Variants in RABGEF1 observed in about 807,000 individuals in gnomAD.
The protein encoded by RABGEF1 is rab5 GDP/GTP exchange factor.
A neutral mutation model predicts 57.3 loss-of-function variants in RABGEF1; 26 were observed. The ratio of observed to expected loss-of-function variants is 0.45; its 90% CI spans 0.33 to 0.63. The LOEUF (loss-of-function observed/expected upper bound fraction) is 0.63. RABGEF1 is among the 20% of genes least tolerant of loss of function. The pLI is 0.02. For synonymous variants in RABGEF1, 185 were observed against 210.7 expected, an observed-to-expected ratio of 0.88 and a Z score of 1.06; for missense variants, 464 against 607.6, an observed-to-expected ratio of 0.76 and a Z score of 2.48.
upstream of RABGEF1, among the ~76,000 whole-genome samples, chr7:66,737,323 T>G (rs903682612): frequency 6.6e-6 from 1 of 152,142 alleles, no homozygotes; most frequent in African/African-American, 2.4e-5. Flanking sequence ...AGGGCCATCA[T>G]GGCTCACTAC....
At chr7:66,797,858 G>A (rs544790133) in intron 6 of RABGEF1, among the ~76,000 whole-genome samples, 4 of 152,310 alleles carry the variant, frequency 2.6e-5, no homozygotes, top group East Asian at 1.9e-4. Context: ...GGCTGGGCCC[G>A]GTGGCTCATA....
At chr7:66,796,704 G>A (rs1786004792) in intron 5 of RABGEF1, 1 of 287,730 alleles carries the variant, frequency 3.5e-6, no homozygotes, top group Non-Finnish European at 6.8e-6. Flanking sequence ...TGATTCTCCT[G>A]TCTCAGCCCC....
rs1789328437 is a variant in RABGEF1, at chr7:66,810,651, T to G, written c.*1367T>G. On this transcript the variant is annotated 3_prime_UTR_variant, in exon 9 of 9. Coordinates refer to ENST00000284957, the MANE Select transcript of RABGEF1 (RefSeq NM_014504.3). ...ACCTTCTATAACCTAAATATACCAT[T>G]GATGATTCTTCTTCCATTCAGTGAC... is the stretch of plus-strand genomic sequence containing the variant. 6.6e-6 allele frequency: 1 copy of G among 152,230 alleles called. No individual in the cohort carries two copies. Among genetic ancestry groups the G allele is most frequent in the South Asian group, 2.1e-4 (1 of 4,836 alleles). 9.4% of individuals were successfully genotyped at this position (152,230 alleles called of 1,614,324 possible).
intron 4 of RABGEF1, among the ~76,000 whole-genome samples, chr7:66,789,417 T>C (rs1242356235): frequency 1.3e-5 from 2 of 152,112 alleles, no homozygotes; most frequent in Non-Finnish European, 2.9e-5. Flanking sequence ...GTGCGGTGGC[T>C]TACGCCTGTA....
intron 4 of RABGEF1, among the ~76,000 whole-genome samples, chr7:66,793,936 C>T (rs959671839): frequency 6.6e-6 from 1 of 152,146 alleles, no homozygotes; most frequent in African/African-American, 2.4e-5. Context: ...GGTTTGTTCT[C>T]GGCCTTATTC....
At chr7:66,804,693 C>G (rs549460064) in intron 7 of RABGEF1, among the ~76,000 whole-genome samples, 19 of 150,830 alleles carry the variant, frequency 1.3e-4, no homozygotes, top group African/African-American at 3.9e-4. Flanking sequence ...AGAGATCACA[C>G]CACTGCACTC....
chr7:66,750,016 C>T (rs923225513), intron 1 of RABGEF1, among the ~76,000 whole-genome samples: 5 of 152,046 alleles, frequency 3.3e-5, no homozygotes, highest in South Asian at 2.1e-4. Context: ...AATAGAATGT[C>T]CAAAATTTAT....
the RABGEF1 span, among the ~76,000 whole-genome samples, chr7:66,658,574 G>A: frequency 3.3e-5 from 5 of 149,962 alleles, no homozygotes; most frequent in South Asian, 4.2e-4. Context: ...ATGGGTAAAC[G>A]TATAACTAGT....
At chr7:66,796,003 G>T (rs1327294223) in intron 5 of RABGEF1, among the ~76,000 whole-genome samples, 2 of 152,142 alleles carry the variant, frequency 1.3e-5, no homozygotes, top group African/African-American at 4.8e-5. Context: ...GCCGGGTGTT[G>T]TGGTGCACCT....
chr7:66,675,849 A>G, the RABGEF1 span, among the ~76,000 whole-genome samples: 1 of 152,178 alleles, frequency 6.6e-6, no homozygotes, highest in African/African-American at 2.4e-5. Context: ...AGTATAAAAT[A>G]CTTTAGGGTA....
rs191777513 is a variant in RABGEF1, at chr7:66,791,687, C to T, written c.514-3824C>T. ...AAACTGGAAGTGGAAACAAAGATCTCAGCCAGACTGTTAAGAAAGTGTATA... is the reference window on the plus strand; with the variant it reads ...AAACTGGAAGTGGAAACAAAGATCTTAGCCAGACTGTTAAGAAAGTGTATA... On this transcript the variant is annotated intron_variant, in intron 4 of 8. Coordinates refer to ENST00000284957, the MANE Select transcript of RABGEF1 (RefSeq NM_014504.3). 1.6e-4 allele frequency among the ~76,000 whole-genome samples: 25 copies of T among 152,306 alleles called. No homozygotes were observed. The East Asian group carries it at 4.4e-3, about 27-fold the overall frequency.
chr7:66,798,287 C>T lies in RABGEF1; in HGVS notation c.728+781C>T, dbSNP rs557591060. Among the ~76,000 whole-genome samples the T allele has an allele frequency of 2.6e-5, 4 of 152,238 alleles. No individual in the cohort carries two copies. In the East Asian group the frequency reaches 5.8e-4, roughly 22 times the overall value. ...GCCCCAGCACTGTGTACTCCAGTTG[C>T]GGTGGACACTGAGGAAGAGACCACC... On this transcript the variant is annotated intron_variant, in intron 6 of 8. Transcript: ENST00000284957.
At chr7:66,666,557 T>G in the RABGEF1 span, among the ~76,000 whole-genome samples, 1 of 152,182 alleles carries the variant, frequency 6.6e-6, no homozygotes, top group Non-Finnish European at 1.5e-5. Flanking sequence ...CAGTGATGTT[T>G]CCTGGCAGGG....
At chr7:66,775,065 G>T (rs973305266) in intron 2 of RABGEF1, among the ~76,000 whole-genome samples, 162 bp from the exon 3 acceptor site, 1 of 152,178 alleles carries the variant, frequency 6.6e-6, no homozygotes, top group Non-Finnish European at 1.5e-5. Flanking sequence ...TGCATGAAGA[G>T]CCGTCCATCC....
chr7:66,699,095 C>A (rs538156460), intron 1 of RABGEF1, among the ~76,000 whole-genome samples: 1 of 152,234 alleles, frequency 6.6e-6, no homozygotes, highest in South Asian at 2.1e-4. Flanking sequence ...GGAGGGTTGG[C>A]CTTGGTAACC....
chr7:66,689,125 G>A (rs1449410241), intron 1 of RABGEF1, among the ~76,000 whole-genome samples: 4 of 151,796 alleles, frequency 2.6e-5, no homozygotes, highest in Admixed American at 1.3e-4. Context: ...TTAAAAGAAA[G>A]CTCTCAAATC....
chr7:66,678,702 T>C (rs1185270858), upstream of RABGEF1, among the ~76,000 whole-genome samples: 1 of 152,150 alleles, frequency 6.6e-6, no homozygotes, highest in African/African-American at 2.4e-5. Context: ...AGATGAGGTC[T>C]CACCATGTTG....
At chr7:66,743,032 A>C (rs1256190679) in intron 1 of RABGEF1, among the ~76,000 whole-genome samples, 1 of 152,100 alleles carries the variant, frequency 6.6e-6, no homozygotes, top group Non-Finnish European at 1.5e-5. Context: ...CTCTCTGGCC[A>C]GGCGCGGTGG....
chr7:66,786,910 T>C (rs531688085), intron 4 of RABGEF1, among the ~76,000 whole-genome samples: 2 of 152,372 alleles, frequency 1.3e-5, no homozygotes, highest in South Asian at 4.1e-4. Context: ...GTTGAAAATA[T>C]AGTTGCCATC....
Sources: gnomAD v4.1 joint callset for allele counts (sites outside exome capture counted in the v4.1 genomes callset) on GRCh38, gnomAD v4.1.1 for gene constraint, MANE v1.5 for transcripts, NCBI Gene and HGNC (gene_info 2026-07-23, HGNC 2026-07-21) for gene names.